PPIL2: variants seen among roughly 807,000 people sequenced by gnomAD.
PPIL2 encodes peptidylprolyl isomerase like 2, also known as RING-type E3 ubiquitin-protein ligase PPIL2.
A neutral mutation model predicts 75.2 loss-of-function variants in PPIL2; 50 were observed. The ratio of observed to expected loss-of-function variants is 0.66; its 90% CI spans 0.53 to 0.84. The LOEUF is 0.84. Among genes scored for constraint, PPIL2 ranks in the 40% least tolerant of loss-of-function variants. PPIL2 has a pLI of 0.00. For missense variants in PPIL2, 590 were observed against 685.0 expected (o/e 0.86, Z 1.55); for synonymous variants, 245 against 258.8 (o/e 0.95, Z 0.51).
intron 5 of PPIL2, among the ~76,000 whole-genome samples, 172 bp from the exon 6 acceptor site, chr22:21,674,892 G>A (rs574750148): frequency 6.6e-6 from 1 of 152,250 alleles, no homozygotes; most frequent in Non-Finnish European, 1.5e-5. Context: ...ACTGCCCGAC[G>A]CCATCCTGCA....
At chr22:21,689,555 A>G (rs1279060208) in intron 15 of PPIL2, among the ~76,000 whole-genome samples, 1 of 152,038 alleles carries the variant, frequency 6.6e-6, no homozygotes, top group Admixed American at 6.6e-5. Context: ...ATATCTAGCC[A>G]CTTTAACAAA....
At chr22:21,679,290 C>T (rs1053452089) in intron 6 of PPIL2, among the ~76,000 whole-genome samples, 16 of 151,870 alleles carry the variant, frequency 1.1e-4, no homozygotes, top group East Asian at 2.0e-4. Flanking sequence ...GATCCTCCCG[C>T]GTCAGCATCC....
At chr22:21,686,459 G>A (rs1477869339) in intron 10 of PPIL2, 24 bp from the exon 11 acceptor site, 6 of 1,611,586 alleles carry the variant, frequency 3.7e-6, no homozygotes, top group South Asian at 2.2e-5. Context: ...CACTGCTGAG[G>A]TGCCACCCTG....
intron 6 of PPIL2, among the ~76,000 whole-genome samples, chr22:21,676,329 G>GTGTA (rs71188224): frequency 6.6e-6 from 1 of 151,166 alleles, no homozygotes; most frequent in African/African-American, 2.4e-5. Flanking sequence ...GTGTGTGTGT[G>GTGTA]TGTGTGTGTG....
intron 12 of PPIL2, among the ~76,000 whole-genome samples, chr22:21,687,295 ATGT>A (rs2067409132): frequency 6.6e-6 from 1 of 152,126 alleles, no homozygotes; most frequent in African/African-American, 2.4e-5. Context: ...CTGTTGCTTA[ATGT>A]TGTGGGTCCA....
At chr22:21,666,806 C>T (rs2066402689) in intron 1 of PPIL2, among the ~76,000 whole-genome samples, 4 of 152,180 alleles carry the variant, frequency 2.6e-5, no homozygotes, top group Admixed American at 2.6e-4. Context: ...GAGACGCTGT[C>T]TCAAAAATAA....
At position 21,681,357 on chromosome 22, in the gene PPIL2, T is replaced by C. The variant is rs1291314261; in HGVS notation, c.354T>C (p.Ala118=). ...TCACCAACAACACCCACATCGTGGCTGTGAGGACGACCGGCAACGTCTACG... is the reference window on the plus strand; with the variant it reads ...TCACCAACAACACCCACATCGTGGCCGTGAGGACGACCGGCAACGTCTACG... The part of the protein sequence containing the change: ...TVFTNNTHIV[A]VRTTGNVYAY... Residue 118 remains alanine, a synonymous_variant, in exon 7 of 20, where the codon GCT becomes GCC. Transcript: ENST00000398831. The C allele has an allele frequency of 6.8e-6, 11 of 1,614,056 alleles. No homozygotes were observed. The highest frequency in any genetic ancestry group is 9.3e-6 in the Non-Finnish European group (11 of 1,179,990).
chr22:21,690,851 T>A (rs1185641662), intron 15 of PPIL2, among the ~76,000 whole-genome samples: 1 of 152,198 alleles, frequency 6.6e-6, no homozygotes, highest in Non-Finnish European at 1.5e-5. Context: ...CGTGGTTTGT[T>A]TTTGTTGTTT....
intron 6 of PPIL2, among the ~76,000 whole-genome samples, chr22:21,677,889 C>T (rs936693147): frequency 4.6e-5 from 7 of 152,144 alleles, no homozygotes; most frequent in African/African-American, 1.4e-4. Flanking sequence ...GGGAGAGGGC[C>T]GCCCTGACCC....
intron 5 of PPIL2, 120 bp downstream of exon 5, chr22:21,672,501 T>A: frequency 1.0e-6 from 1 of 1,003,266 alleles, no homozygotes; most frequent in South Asian, 1.3e-5. Context: ...TGGGGCCCAG[T>A]GAGGAGGGAC....
intron 19 of PPIL2, 161 bp downstream of exon 19, chr22:21,695,231 C>A: frequency 7.5e-7 from 1 of 1,331,918 alleles, no homozygotes; most frequent in East Asian, 2.5e-5. Context: ...CCTCTGAAGG[C>A]CTGGCCGGGG....
intron 1 of PPIL2, among the ~76,000 whole-genome samples, chr22:21,668,456 C>G (rs1004966711): frequency 6.0e-5 from 9 of 151,146 alleles, no homozygotes; most frequent in Non-Finnish European, 1.0e-4. Flanking sequence ...GAAACCCCAT[C>G]TCTACTAAAA....
At position 21,696,563 on chromosome 22, in the gene PPIL2, C is replaced by A; in HGVS notation, c.*1073C>A. On this transcript the variant is annotated 3_prime_UTR_variant, in exon 20 of 20. Coordinates refer to ENST00000398831, the MANE Select transcript of PPIL2 (RefSeq NM_014337.4). The stretch of plus-strand genomic sequence containing the variant: ...ATGTGCCCCTGGCTGGCTTTTTCTT[C>A]GTCTTCAGCCCAGGCCAGTGGTCAG... The A allele has an allele frequency of 7.2e-7, 1 of 1,394,462 alleles. No individual in the cohort carries two copies. The highest frequency in any genetic ancestry group is 9.3e-7 in the Non-Finnish European group (1 of 1,074,164). The allele number at this position is 1,394,462 out of a possible 1,614,324, so 86.4% of individuals were successfully genotyped here.
At chr22:21,675,946 C>T (rs970679708) in intron 6 of PPIL2, among the ~76,000 whole-genome samples, 2 of 152,372 alleles carry the variant, frequency 1.3e-5, no homozygotes, top group African/African-American at 4.8e-5. Context: ...GTGCAGCCCA[C>T]CCCTGCCCAG....
chr22:21,669,862 G>C (rs779708470), intron 1 of PPIL2, 51 bp from the exon 2 acceptor site: 1 of 1,552,272 alleles, frequency 6.4e-7, no homozygotes, highest in South Asian at 1.1e-5. Flanking sequence ...CAAAGACTTC[G>C]TCCTCTTTAT....
At chr22:21,693,521 G>C (rs1239678591) in intron 15 of PPIL2, among the ~76,000 whole-genome samples, 1 of 152,202 alleles carries the variant, frequency 6.6e-6, no homozygotes, top group African/African-American at 2.4e-5. Flanking sequence ...ACCTCCCACA[G>C]AGCTGCATGG....
intron 12 of PPIL2, 37 bp from the exon 13 acceptor site, chr22:21,687,606 C>T (rs377378734): frequency 2.3e-6 from 3 of 1,329,228 alleles, no homozygotes; most frequent in Non-Finnish European, 3.2e-6. Context: ...CCTTTGGCAG[C>T]TCTCTGCTTC....
intron 2 of PPIL2, 39 bp from the exon 3 acceptor site, chr22:21,670,527 C>T (rs766159402): frequency 6.4e-7 from 1 of 1,567,748 alleles, no homozygotes; most frequent in East Asian, 2.2e-5. Context: ...AAATACTTTA[C>T]AGAGTAAGAT....
At chr22:21,681,772 C>T (rs2067140558) in intron 7 of PPIL2, among the ~76,000 whole-genome samples, 2 of 152,230 alleles carry the variant, frequency 1.3e-5, no homozygotes, top group South Asian at 4.1e-4. Context: ...CACTTGCCCC[C>T]AGGAGGGAGC....
Sources: gnomAD v4.1 joint callset for allele counts (sites outside exome capture counted in the v4.1 genomes callset) on GRCh38, gnomAD v4.1.1 for gene constraint, MANE v1.5 for transcripts, NCBI Gene and HGNC (gene_info 2026-07-23, HGNC 2026-07-21) for gene names.